YJEFN3: variants seen among roughly 807,000 people sequenced by gnomAD.
YJEFN3 encodes the protein yjeF N-terminal domain-containing protein 3.
Under a neutral mutation model 31.5 loss-of-function variants are expected in YJEFN3, and 29 were observed. That is an observed-to-expected ratio of 0.92 (90% CI 0.69 to 1.26). The LOEUF (loss-of-function observed/expected upper bound fraction) is 1.26. Among genes scored for constraint, YJEFN3 ranks in the 50% most tolerant of loss-of-function variants. The pLI is 0.00. For synonymous variants in YJEFN3, 227 were observed against 196.1 expected (o/e 1.16, Z -1.32); for missense variants, 442 against 425.4 (o/e 1.04, Z -0.34).
intron 6 of YJEFN3, chr19:19,536,035 A>C (rs1600370612): frequency 3.9e-6 from 2 of 512,692 alleles, no homozygotes; most frequent in African/African-American, 2.0e-5. Flanking sequence ...GACGGAACAA[A>C]CAGCCGCTGG....
In YJEFN3 at chr19:19,534,033, C is replaced by G; in HGVS notation, c.319-1001C>G. 1.0e-6 allele frequency: 1 copy of G among 985,612 alleles called. No homozygotes were observed. Among genetic ancestry groups the G allele is most frequent in the Non-Finnish European group, 1.2e-6 (1 of 830,078 alleles). 61.1% of individuals were successfully genotyped at this position (985,612 alleles called of 1,614,324 possible). A position where few individuals can be genotyped will look rare whatever the true frequency, so the allele number is the denominator to read the frequency against. ...TGGAGCTTAAAGTACAGCTGGGGCTCAAGAGACACCCAGAGTGCCTGTCAG... is the reference window on the plus strand; with the variant it reads ...TGGAGCTTAAAGTACAGCTGGGGCTGAAGAGACACCCAGAGTGCCTGTCAG... On this transcript the variant is annotated intron_variant, in intron 3 of 6. Transcript: ENST00000514277. The surrounding 1 kb of genome is among the most constrained non-coding windows in gnomAD (Gnocchi z 4.6).
chr19:19,532,108 G>A (rs1466915843), intron 2 of YJEFN3, among the ~76,000 whole-genome samples: 1 of 152,152 alleles, frequency 6.6e-6, no homozygotes, highest in East Asian at 1.9e-4. Context: ...ATAGCCCCAG[G>A]CCCCAAGGCC....
At position 19,534,226 on chromosome 19, in the gene YJEFN3, G is replaced by C. The variant is rs1174640053; in HGVS notation, c.319-808G>C. On this transcript the variant is annotated intron_variant, in intron 3 of 6. Coordinates refer to ENST00000514277, the MANE Select transcript of YJEFN3 (RefSeq NM_198537.4). The surrounding 1 kb of genome is among the most constrained non-coding windows in gnomAD (Gnocchi z 4.6). ...GATGGAGAGAGACAGATAACAGAGA[G>C]ATACAGAGACAGCCAGAGACAAATG... 6.4e-6 allele frequency: 6 copies of C among 944,158 alleles called. No homozygotes were observed. The highest frequency in any genetic ancestry group is 7.6e-6 in the Non-Finnish European group (6 of 792,356). 58.5% of individuals were successfully genotyped at this position (944,158 alleles called of 1,614,324 possible).
At chr19:19,536,774 A>C (rs2061213759) in intron 6 of YJEFN3, among the ~76,000 whole-genome samples, 1 of 152,204 alleles carries the variant, frequency 6.6e-6, no homozygotes, top group Admixed American at 6.5e-5. Context: ...GTTCGAGACC[A>C]GCCTGGCCAA....
intron 1 of YJEFN3, 60 bp downstream of exon 1, chr19:19,529,051 C>T (rs1294427474): frequency 1.0e-5 from 16 of 1,542,064 alleles, no homozygotes; most frequent in South Asian, 2.4e-5. Flanking sequence ...AGGAGCAGCC[C>T]GTAGGACCGG....
At chr19:19,531,176 A>G (rs1425905715) in intron 2 of YJEFN3, among the ~76,000 whole-genome samples, 3 of 152,212 alleles carry the variant, frequency 2.0e-5, no homozygotes, top group Non-Finnish European at 4.4e-5. Context: ...GAGGGCAGAC[A>G]TCTCCCACTC....
chr19:19,533,150 A>G lies in YJEFN3; in HGVS notation c.318+410A>G, dbSNP rs144386905. On this transcript the variant is annotated intron_variant, in intron 3 of 6. Transcript: ENST00000514277. ...GGTGGCGAGGGGCCTGCCCTGGGTC[A>G]GAGGGGGATGGAAGCAGAGCTGCAA... The G allele has an allele frequency of 5.6e-3, 5,646 of 1,006,060 alleles. 26 individuals carry two copies. Among genetic ancestry groups the G allele is most frequent in the Middle Eastern group, 0.011 (23 of 2,028 alleles). The allele number at this position is 1,006,060 out of a possible 1,614,324, so 62.3% of individuals were successfully genotyped here.
chr19:19,535,243 C>A, intron 4 of YJEFN3, 94 bp from the exon 5 acceptor site: 2 of 1,506,972 alleles, frequency 1.3e-6, no homozygotes, highest in South Asian at 1.2e-5. Context: ...GACGCAGGGC[C>A]AGGTTATAGA....
Position 19,534,173 on chromosome 19 carries a change from C to G in YJEFN3, c.319-861C>G. 1 of 985,440 alleles carries G rather than the reference C, an allele frequency of 1.0e-6. No homozygotes were observed. Among genetic ancestry groups the G allele is most frequent in the Non-Finnish European group, 1.2e-6 (1 of 829,968 alleles). The allele number at this position is 985,440 out of a possible 1,614,324, so 61.0% of individuals were successfully genotyped here. A position where few individuals can be genotyped will look rare whatever the true frequency, so the allele number is the denominator to read the frequency against. On this transcript the variant is annotated intron_variant, in intron 3 of 6. Transcript: ENST00000514277. This position sits in a 1 kb window ranked among gnomAD's most constrained non-coding sequence, Gnocchi z 4.6. ...GCCAAAATGCCTGGAGAGACAGAGTCTGAGAGATACAGAGATGGCCAGAGA... is the reference window on the plus strand; with the variant it reads ...GCCAAAATGCCTGGAGAGACAGAGTGTGAGAGATACAGAGATGGCCAGAGA...
At chr19:19,532,769 C>T in intron 3 of YJEFN3, 29 bp downstream of exon 3, 1 of 1,503,648 alleles carries the variant, frequency 6.7e-7, no homozygotes, top group Admixed American at 2.0e-5. Flanking sequence ...CCAACCCTGA[C>T]CCCAACCAGA....
chr19:19,535,751 G>C (rs1281510317), intron 6 of YJEFN3, 72 bp downstream of exon 6: 1 of 1,521,454 alleles, frequency 6.6e-7, no homozygotes, highest in South Asian at 1.2e-5. Context: ...CCAGCTCCTG[G>C]TCGCCCCTGC....
In YJEFN3 at chr19:19,535,143, T is replaced by G. The variant is rs755797334; in HGVS notation, c.428T>G (p.Phe143Cys). 1.3e-6 allele frequency: 2 copies of G among 1,599,286 alleles called. No homozygotes were observed. The highest frequency in any genetic ancestry group is 2.7e-5 in the African/African-American group (2 of 74,438). ...GLVCARHLRVFEYEPTIFYPT... is the reference protein window; with the variant it reads ...GLVCARHLRVCEYEPTIFYPT... ...GTCTGTGCCCGGCACCTGCGGGTGTTTGTAAGTAGCAAGGACCCCTTCGAC... is the reference window on the plus strand; with the variant it reads ...GTCTGTGCCCGGCACCTGCGGGTGTGTGTAAGTAGCAAGGACCCCTTCGAC... The change falls in exon 4 of 7, where the codon TTT (phenylalanine) becomes TGT (cysteine). Residue 143 changes from phenylalanine (F) to cysteine (C), a missense_variant and splice_region_variant. Transcript: ENST00000514277.
chr19:19,535,165 C>G, intron 4 of YJEFN3, 21 bp downstream of exon 4: 1 of 1,577,940 alleles, frequency 6.3e-7, no homozygotes, highest in Non-Finnish European at 8.6e-7. Context: ...AGGACCCCTT[C>G]GACCTCCCAA....
At chr19:19,533,432 C>T (rs2061177313) in intron 3 of YJEFN3, 1 of 985,848 alleles carries the variant, frequency 1.0e-6, no homozygotes, top group Middle Eastern at 5.1e-4. Context: ...TCCTCATCCC[C>T]CTCGCCTTTC....
chr19:19,533,040 G>T (rs1452267859), intron 3 of YJEFN3: 25 of 1,184,006 alleles, frequency 2.1e-5, no homozygotes, highest in Non-Finnish European at 2.6e-5. Context: ...CACCTCCTGG[G>T]TCTTGGGCAC....
Position 19,534,890 on chromosome 19 carries a change from A to G in YJEFN3, c.319-144A>G. ...GAGGCCCCAAGAGGCCCAACCCCTC[A>G]TCCAGAACAGCTCACCTCCTGTCCT... On this transcript the variant is annotated intron_variant, in intron 3 of 6. Transcript: ENST00000514277. The surrounding 1 kb of genome is among the most constrained non-coding windows in gnomAD (Gnocchi z 4.6). The G allele has an allele frequency of 1.7e-6, 1 of 577,832 alleles. No homozygotes were observed. The highest frequency in any genetic ancestry group is 2.8e-6 in the Non-Finnish European group (1 of 354,368). The allele number at this position is 577,832 out of a possible 1,614,324, so 35.8% of individuals were successfully genotyped here.
At chr19:19,533,867 G>A (rs1355998805) in intron 3 of YJEFN3, 1 of 985,396 alleles carries the variant, frequency 1.0e-6, no homozygotes, top group Non-Finnish European at 1.2e-6. Flanking sequence ...TGTCTGTCCA[G>A]AAGCCCCTCA....
At chr19:19,535,742 C>T (rs1329706273) in intron 6 of YJEFN3, 63 bp downstream of exon 6, 1 of 1,530,426 alleles carries the variant, frequency 6.5e-7, no homozygotes, top group Admixed American at 2.0e-5. Flanking sequence ...CCCTGTGCCC[C>T]AGCTCCTGGT....
Position 19,528,967 on chromosome 19 carries a change from C to T in YJEFN3, c.35C>T (p.Ala12Val), listed in dbSNP as rs894335032. 7.7e-6 allele frequency: 12 copies of T among 1,550,124 alleles called. No individual in the cohort carries two copies. The Admixed American group carries it at 1.4e-4, about 18-fold the overall frequency. ...GCAGCCGGCCCAGACCCGTCGGAGG[C>T]GCCCGAAGAGCGGCATTTCCTCAGG... ...SSAAGPDPSE[A>V]PEERHFLRAL... is the part of the protein sequence containing the mutation. The change falls in exon 1 of 7, where the codon GCG (alanine) becomes GTG (valine). Residue 12 changes from alanine to valine, a missense_variant. By Grantham distance (64) the Ala-to-Val change is moderately conservative (BLOSUM62 0). Coordinates refer to ENST00000514277, the MANE Select transcript of YJEFN3 (RefSeq NM_198537.4).
Sources: gnomAD v4.1 joint callset for allele counts (sites outside exome capture counted in the v4.1 genomes callset) on GRCh38, gnomAD v4.1.1 for gene constraint, Gnocchi (gnomAD v3.1) non-coding constraint, MANE v1.5 for transcripts, NCBI Gene and HGNC (gene_info 2026-07-23, HGNC 2026-07-21) for gene names.